Variants in HPSE2 observed in about 807,000 individuals in gnomAD.
HPSE2 encodes inactive heparanase-2.
HPSE2 carries 38 observed loss-of-function variants against 60.5 expected under a neutral mutation model. The observed-to-expected ratio is 0.63, with a 90% CI of 0.48 to 0.82. The LOEUF is 0.82. HPSE2 is among the 40% of genes least tolerant of loss of function. The probability of loss-of-function intolerance (pLI) is 0.00; values close to 1 mark genes in which losing one functional copy is unlikely to be tolerated. For synonymous variants in HPSE2, 295 were observed against 293.2 expected (o/e 1.01, Z -0.06); for missense variants, 713 against 740.4 (o/e 0.96, Z 0.43).
At chr10:98,578,722 A>C (rs955320315) in intron 9 of HPSE2, among the ~76,000 whole-genome samples, 1 of 152,184 alleles carries the variant, frequency 6.6e-6, no homozygotes, top group Non-Finnish European at 1.5e-5. Flanking sequence ...TTTCCTTTAG[A>C]TACCCCCTAC....
At chr10:98,630,465 G>A (rs1312918052) in intron 7 of HPSE2, among the ~76,000 whole-genome samples, 3 of 152,052 alleles carry the variant, frequency 2.0e-5, no homozygotes, top group Non-Finnish European at 4.4e-5. Context: ...CCAAAGTGCT[G>A]GGATTACAGG....
At chr10:99,121,936 G>T (rs10883275) in intron 3 of HPSE2, among the ~76,000 whole-genome samples, 102,423 of 151,906 alleles carry the variant, frequency 0.67, 37,827 homozygotes, top group Non-Finnish European at 0.81. Flanking sequence ...GTAATTCTAA[G>T]GTAGCCATTA....
chr10:98,915,784 G>T (rs1407929023), intron 3 of HPSE2, among the ~76,000 whole-genome samples: 1 of 152,188 alleles, frequency 6.6e-6, no homozygotes, highest in African/African-American at 2.4e-5. Flanking sequence ...AGAGCATGCG[G>T]AAAGGAATGA....
intron 9 of HPSE2, among the ~76,000 whole-genome samples, chr10:98,585,335 G>A (rs1225933376): frequency 1.3e-5 from 2 of 149,990 alleles, no homozygotes; most frequent in East Asian, 4.0e-4. Context: ...ACAGTGGCGT[G>A]ATCTTGGCTC....
At chr10:98,749,556 A>G (rs1470978582) in intron 3 of HPSE2, among the ~76,000 whole-genome samples, 5 of 151,586 alleles carry the variant, frequency 3.3e-5, no homozygotes, top group Non-Finnish European at 5.9e-5. Flanking sequence ...AGAAGATTAT[A>G]TAGTATATAA....
intron 9 of HPSE2, among the ~76,000 whole-genome samples, chr10:98,585,862 G>T (rs1452310717): frequency 6.7e-6 from 1 of 149,056 alleles, no homozygotes; most frequent in Non-Finnish European, 1.5e-5. Context: ...TGAAGCAGGA[G>T]AATTGCTTGA....
At chr10:99,225,228 C>A (rs551096473) in intron 2 of HPSE2, among the ~76,000 whole-genome samples, 1 of 152,180 alleles carries the variant, frequency 6.6e-6, no homozygotes, top group Admixed American at 6.5e-5. Flanking sequence ...TATTGGCAGA[C>A]AAATTGTGAA....
intron 3 of HPSE2, among the ~76,000 whole-genome samples, chr10:99,128,778 T>C (rs1221301135): frequency 1.3e-5 from 2 of 152,208 alleles, no homozygotes; most frequent in East Asian, 1.9e-4. Flanking sequence ...CAAACCACCA[T>C]AGCACATGTT....
intron 3 of HPSE2, among the ~76,000 whole-genome samples, chr10:98,961,084 T>C (rs1256191261): frequency 5.0e-5 from 2 of 40,088 alleles, no homozygotes; most frequent in Non-Finnish European, 9.8e-5. Flanking sequence ...TCATTTTTTA[T>C]GGCTGCATAG....
chr10:98,610,847 TAAG>T (rs919595606), intron 9 of HPSE2, among the ~76,000 whole-genome samples: 1 of 152,158 alleles, frequency 6.6e-6, no homozygotes, highest in Non-Finnish European at 1.5e-5. Flanking sequence ...GTGTGGGAGT[TAAG>T]AAGATGTCGA....
intron 9 of HPSE2, among the ~76,000 whole-genome samples, chr10:98,551,458 T>A (rs1026782045): frequency 1.3e-5 from 2 of 152,216 alleles, no homozygotes; most frequent in African/African-American, 4.8e-5. Context: ...CCCCACTGGA[T>A]GCTGTTCTGT....
intron 2 of HPSE2, among the ~76,000 whole-genome samples, chr10:99,200,589 A>G (rs1053111207): frequency 1.3e-5 from 2 of 152,100 alleles, no homozygotes; most frequent in African/African-American, 4.8e-5. Flanking sequence ...AGATGGTTAT[A>G]TGATAATTAA....
chr10:98,509,347 A>G (rs1489042025), intron 9 of HPSE2, among the ~76,000 whole-genome samples: 1 of 152,010 alleles, frequency 6.6e-6, no homozygotes, highest in Non-Finnish European at 1.5e-5. Context: ...AAGAAGAAAA[A>G]AAGAGGTTAG....
chr10:99,084,298 A>G (rs923459507), intron 3 of HPSE2, among the ~76,000 whole-genome samples: 2 of 152,124 alleles, frequency 1.3e-5, no homozygotes, highest in Non-Finnish European at 2.9e-5. Flanking sequence ...CTTGAGAACT[A>G]AGAACAAAAT....
chr10:98,802,541 A>G (rs1440077197), intron 3 of HPSE2, among the ~76,000 whole-genome samples: 3 of 136,486 alleles, frequency 2.2e-5, no homozygotes, highest in Non-Finnish European at 3.1e-5. Context: ...TCATTGTTCA[A>G]TTCCCACCTA....
chr10:98,503,408 T>G (rs944857248), intron 9 of HPSE2, among the ~76,000 whole-genome samples: 15 of 152,124 alleles, frequency 9.9e-5, no homozygotes, highest in Admixed American at 7.9e-4. Context: ...ACTTCTACAC[T>G]GCTGGTGGGA....
At chr10:98,891,022 G>A (rs1426986602) in intron 3 of HPSE2, among the ~76,000 whole-genome samples, 1 of 151,986 alleles carries the variant, frequency 6.6e-6, no homozygotes, top group African/African-American at 2.4e-5. Context: ...TTTTCTGATA[G>A]GTACTTTAAA....
chr10:98,761,539 A>G (rs1050166558), intron 3 of HPSE2, among the ~76,000 whole-genome samples: 1 of 152,136 alleles, frequency 6.6e-6, no homozygotes, highest in Admixed American at 6.6e-5. Flanking sequence ...TTCATTTATA[A>G]TTCTGACAGT....
intron 3 of HPSE2, among the ~76,000 whole-genome samples, chr10:98,821,206 G>A (rs10883212): frequency 0.038 from 5,749 of 152,128 alleles, 233 homozygotes; most frequent in East Asian, 0.17. Flanking sequence ...TCTTAAGTAC[G>A]GGAATACATT....
Sources: allele counts gnomAD v4.1 joint callset (sites outside exome capture counted in the v4.1 genomes callset), GRCh38; gene constraint gnomAD v4.1.1; transcripts MANE v1.5; gene names NCBI Gene and HGNC (gene_info 2026-07-23, HGNC 2026-07-21).